The following MYO9A variants were observed in gnomAD, a reference collection of about 807,000 sequenced individuals.
MYO9A encodes the protein myosin IXA.
In MYO9A, 103 loss-of-function variants were observed where a neutral mutation model predicts 293.3. The observed-to-expected ratio is 0.35, with a 90% CI of 0.30 to 0.41. The LOEUF is 0.41. MYO9A is among the 10% of genes least tolerant of loss of function. The probability of loss-of-function intolerance (pLI) is 1.00; values close to 1 mark genes in which losing one functional copy is unlikely to be tolerated. For synonymous variants in MYO9A, 1,001 were observed against 1,035.7 expected (o/e 0.97, Z 0.64); for missense variants, 2,685 against 3,033.0 (o/e 0.89, Z 2.69).
chr15:72,054,859 T>C (rs1039999377), intron 1 of MYO9A, among the ~76,000 whole-genome samples: 1 of 146,544 alleles, frequency 6.8e-6, no homozygotes, highest in Admixed American at 6.9e-5. Flanking sequence ...CAAGACTAAA[T>C]GAGATTAAGG....
chr15:71,989,752 G>A (rs932127509), intron 11 of MYO9A, among the ~76,000 whole-genome samples: 1 of 152,196 alleles, frequency 6.6e-6, no homozygotes, highest in Non-Finnish European at 1.5e-5. Flanking sequence ...AAGGCCAGGA[G>A]TGGTAGTTCC....
chr15:72,014,066 C>A (rs2077251942), intron 6 of MYO9A, among the ~76,000 whole-genome samples: 1 of 152,190 alleles, frequency 6.6e-6, no homozygotes, highest in African/African-American at 2.4e-5. Flanking sequence ...CTCAGCCTTG[C>A]AAAGTGCTGG....
At position 71,879,771 on chromosome 15, in the gene MYO9A, G is replaced by A; in HGVS notation, c.5689C>T (p.Leu1897=). ...AAGATATTCTGCCGAAATTCCTTCA[G>A]GGCTTTTTTAAATACAACATCCACT... ...TLVDVVFKKA[L]KEFRQNIFSF... Residue 1897 remains leucine, a synonymous_variant, in exon 30 of 42, where the codon CTG becomes TTG. Coordinates refer to ENST00000356056, the MANE Select transcript of MYO9A (RefSeq NM_006901.4). 1 of 1,613,784 alleles carries A rather than the reference G, an allele frequency of 6.2e-7. No homozygotes were observed. The highest frequency in any genetic ancestry group is 1.1e-5 in the South Asian group (1 of 91,074).
intron 27 of MYO9A, among the ~76,000 whole-genome samples, chr15:71,885,508 G>A (rs2056993270): frequency 6.6e-6 from 1 of 151,650 alleles, no homozygotes; most frequent in African/African-American, 2.4e-5. Flanking sequence ...GTTTCATCTT[G>A]TTGAAAAAAA....
chr15:72,077,780 T>TAA lies in MYO9A; in HGVS notation c.-71-31148_-71-31147dup, dbSNP rs2079417938. The stretch of plus-strand genomic sequence containing the variant: ...ATATATATATATATATATATATATA[T>TAA]AAACACATAAACACACACACCTCCA... On this transcript the variant is annotated intron_variant, in intron 1 of 41. Coordinates refer to ENST00000356056, the MANE Select transcript of MYO9A (RefSeq NM_006901.4). 3.6e-5 allele frequency among the ~76,000 whole-genome samples: 4 copies of TAA among 111,640 alleles called. 1 individual carries two copies. In the South Asian group the frequency reaches 9.2e-4, roughly 26 times the overall value. 73.2% of individuals were successfully genotyped at this position (111,640 alleles called of 152,430 possible). A position where few individuals can be genotyped will look rare whatever the true frequency, so the allele number is the denominator to read the frequency against.
In MYO9A at chr15:71,930,103, G is replaced by C. The variant is rs546095391; in HGVS notation, c.2562+3567C>G. ...ATGAAAGAATTTCTATTGCTGGCCAGGCATGGTGGCTCAATGCCTGTAATG... is the reference window on the plus strand; with the variant it reads ...ATGAAAGAATTTCTATTGCTGGCCACGCATGGTGGCTCAATGCCTGTAATG... On this transcript the variant is annotated intron_variant, in intron 18 of 41. Transcript: ENST00000356056. Among the ~76,000 whole-genome samples, 8 of 152,292 alleles carry C rather than the reference G, an allele frequency of 5.3e-5. No homozygotes were observed. In the South Asian group the frequency reaches 1.4e-3, roughly 28 times the overall value.
At position 72,016,237 on chromosome 15, in the gene MYO9A, G is replaced by A. The variant is rs1173247078; in HGVS notation, c.1155+2802C>T. On this transcript the variant is annotated intron_variant, in intron 6 of 41. Transcript: ENST00000356056. ...AGGAGATACTTATATATACATTTAC[G>A]GAAGAGAAAATAGATTCACAGGTTA... 2.6e-5 allele frequency among the ~76,000 whole-genome samples: 4 copies of A among 151,806 alleles called. No individual in the cohort carries two copies. In the East Asian group the frequency reaches 7.7e-4, roughly 29 times the overall value.
chr15:71,913,342 A>G (rs2057916044), intron 19 of MYO9A, among the ~76,000 whole-genome samples: 2 of 151,998 alleles, frequency 1.3e-5, no homozygotes, highest in South Asian at 2.1e-4. Context: ...TTTCATTTTC[A>G]TAATACAAAT....
intron 9 of MYO9A, among the ~76,000 whole-genome samples, chr15:71,995,834 C>T (rs867496819): frequency 4.0e-5 from 6 of 151,784 alleles, no homozygotes; most frequent in African/African-American, 4.8e-5. Flanking sequence ...ACTGGTTATA[C>T]ATCTATAAAA....
At chr15:71,894,776 A>G (rs772175773) in intron 25 of MYO9A, among the ~76,000 whole-genome samples, 15 of 152,384 alleles carry the variant, frequency 9.8e-5, no homozygotes, top group Admixed American at 3.3e-4. Context: ...GGGCAGAAAT[A>G]GATGCCAGAA....
At position 71,854,505 on chromosome 15, in the gene MYO9A, C is replaced by A; in HGVS notation, c.6218G>T (p.Arg2073Leu). 6.2e-7 allele frequency: 1 copy of A among 1,613,402 alleles called. No individual in the cohort carries two copies. Among genetic ancestry groups the A allele is most frequent in the Non-Finnish European group, 8.5e-7 (1 of 1,179,632 alleles). The change falls in exon 35 of 42, where the codon CGA becomes CTA. Residue 2073 changes from arginine (R) to leucine (L), a missense_variant. By Grantham distance (102) the Arg-to-Leu change is moderately radical (BLOSUM62 -2). Transcript: ENST00000356056. ...CTTTTCCACTACTAAAGGAACAGTT[C>A]GGTCTTCACTGGTCAAACGGGACAG... ...VELSRLTSED[R>L]TVPLVVEKLI...
At chr15:72,025,272 T>C (rs1038615252) in intron 4 of MYO9A, among the ~76,000 whole-genome samples, 3 of 152,082 alleles carry the variant, frequency 2.0e-5, no homozygotes, top group Non-Finnish European at 4.4e-5. Flanking sequence ...CATCTTATAA[T>C]GACAAAAGGG....
chr15:71,866,954 G>A (rs902072709), intron 32 of MYO9A, among the ~76,000 whole-genome samples: 6 of 152,104 alleles, frequency 3.9e-5, no homozygotes, highest in Non-Finnish European at 5.9e-5. Flanking sequence ...CTACTCAGGA[G>A]GCTGAGGCAG....
intron 1 of MYO9A, among the ~76,000 whole-genome samples, chr15:72,087,772 T>C (rs888446543): frequency 6.6e-6 from 1 of 152,172 alleles, no homozygotes; most frequent in Non-Finnish European, 1.5e-5. Context: ...TTCTTTCTCA[T>C]ATTTTTTTTC....
At chr15:71,886,299 CTT>C (rs2057018697) in intron 27 of MYO9A, among the ~76,000 whole-genome samples, 1 of 151,346 alleles carries the variant, frequency 6.6e-6, no homozygotes, top group African/African-American at 2.4e-5. Flanking sequence ...GGTTGGTTGA[CTT>C]TGCAGGGAGA....
chr15:72,109,972 A>T (rs1471203337), intron 1 of MYO9A, among the ~76,000 whole-genome samples: 1 of 139,782 alleles, frequency 7.2e-6, no homozygotes, highest in East Asian at 2.0e-4. Flanking sequence ...GTCACCTAAG[A>T]ACTTTCTCCC....
chr15:72,038,993 A>G (rs959406890), intron 2 of MYO9A, among the ~76,000 whole-genome samples: 23 of 152,074 alleles, frequency 1.5e-4, no homozygotes, highest in African/African-American at 5.6e-4. Flanking sequence ...ATATATATCT[A>G]TATAAAGGGA....
At chr15:71,867,221 C>A (rs1396066738) in intron 32 of MYO9A, among the ~76,000 whole-genome samples, 1 of 152,028 alleles carries the variant, frequency 6.6e-6, no homozygotes, top group African/African-American at 2.4e-5. Context: ...AAATTAGATT[C>A]ATATCCCACA....
At chr15:72,041,283 A>G (rs2078218643) in intron 2 of MYO9A, 1 of 970,234 alleles carries the variant, frequency 1.0e-6, no homozygotes, top group Non-Finnish European at 1.6e-6. Context: ...TTTTCCTTGT[A>G]TTTATTTGCC....
Sources: allele counts gnomAD v4.1 joint callset (sites outside exome capture counted in the v4.1 genomes callset), GRCh38; gene constraint gnomAD v4.1.1; transcripts MANE v1.5; gene names NCBI Gene and HGNC (gene_info 2026-07-23, HGNC 2026-07-21).